The following TNFSF4 variants were observed in gnomAD, a reference collection of about 807,000 sequenced individuals.
TNFSF4 encodes the protein TNF superfamily member 4, also known as tumor necrosis factor ligand superfamily member 4.
A neutral mutation model predicts 7.3 loss-of-function variants in TNFSF4; 4 were observed. That is an observed-to-expected ratio of 0.55 (90% confidence interval 0.27 to 1.25). The LOEUF is 1.25. Ranked by LOEUF, TNFSF4 falls within the 50% of genes most tolerant of loss-of-function variation. The probability of loss-of-function intolerance (pLI) is 0.12; values close to 1 mark genes in which losing one functional copy is unlikely to be tolerated. For synonymous variants in TNFSF4, 76 were observed against 83.7 expected (o/e 0.91, Z 0.50); for missense variants, 181 against 208.8 (o/e 0.87, Z 0.82).
chr1:173,406,850 G>A, the TNFSF4 span, among the ~76,000 whole-genome samples: 2 of 152,140 alleles, frequency 1.3e-5, no homozygotes, highest in South Asian at 2.1e-4. Context: ...AATCCTGAGA[G>A]GTAATTACGG....
At position 173,200,883 on chromosome 1, in the gene TNFSF4, G is replaced by T. The variant is rs148236866; in HGVS notation, c.153+6141C>A. ...GAAGAATTAAAGTTCAGATTTGTTT[G>T]TCCATCTTTCTGTCAAGAAGCATGT... On this transcript the variant is annotated intron_variant, in intron 1 of 2. Coordinates refer to ENST00000281834, the MANE Select transcript of TNFSF4 (RefSeq NM_003326.5). Among the ~76,000 whole-genome samples, 582 of 152,270 alleles carry T rather than the reference G, an allele frequency of 3.8e-3. 9 individuals are homozygous for T. Among genetic ancestry groups the T allele is most frequent in the South Asian group, 0.024 (118 of 4,822 alleles).
the TNFSF4 span, among the ~76,000 whole-genome samples, chr1:173,236,050 A>G: frequency 6.6e-6 from 1 of 152,212 alleles, no homozygotes; most frequent in Non-Finnish European, 1.5e-5. Context: ...CTATTGATGC[A>G]TATATTTTTC....
chr1:173,303,509 T>C, the TNFSF4 span, among the ~76,000 whole-genome samples: 8 of 151,826 alleles, frequency 5.3e-5, no homozygotes, highest in African/African-American at 1.9e-4. Flanking sequence ...GAATGGGAGG[T>C]GGAATTTAAA....
the TNFSF4 span, among the ~76,000 whole-genome samples, chr1:173,368,131 T>C: frequency 6.6e-6 from 1 of 152,002 alleles, no homozygotes. Flanking sequence ...GTCACTCTAA[T>C]AGGACAAAAA....
chr1:173,409,868 T>G, the TNFSF4 span, among the ~76,000 whole-genome samples: 1 of 152,210 alleles, frequency 6.6e-6, no homozygotes, highest in Non-Finnish European at 1.5e-5. Flanking sequence ...AGGCTCTGAG[T>G]GCACGGGTGT....
chr1:173,425,804 C>T, the TNFSF4 span, among the ~76,000 whole-genome samples: 2 of 152,358 alleles, frequency 1.3e-5, no homozygotes, highest in East Asian at 3.9e-4. Context: ...AAACCATGGA[C>T]TGTTCCCACA....
the TNFSF4 span, among the ~76,000 whole-genome samples, chr1:173,239,584 C>T: frequency 2.2e-4 from 33 of 152,198 alleles, no homozygotes; most frequent in African/African-American, 8.0e-4. Flanking sequence ...CCTCATCTAA[C>T]AGAAGAGATG....
chr1:173,259,702 A>C, the TNFSF4 span, among the ~76,000 whole-genome samples: 1 of 152,220 alleles, frequency 6.6e-6, no homozygotes, highest in African/African-American at 2.4e-5. Context: ...AGACAACCAC[A>C]AGTATCAATA....
the TNFSF4 span, among the ~76,000 whole-genome samples, chr1:173,217,667 A>C: frequency 6.6e-6 from 1 of 152,164 alleles, no homozygotes; most frequent in Non-Finnish European, 1.5e-5. Flanking sequence ...CACATATCTA[A>C]ATGATAATAT....
At chr1:173,388,481 G>A in the TNFSF4 span, among the ~76,000 whole-genome samples, 19 of 152,198 alleles carry the variant, frequency 1.2e-4, no homozygotes, top group Non-Finnish European at 2.6e-4. Flanking sequence ...GGGTCCACAA[G>A]GTGAAAGTAT....
chr1:173,409,778 G>A, the TNFSF4 span, among the ~76,000 whole-genome samples: 3 of 152,238 alleles, frequency 2.0e-5, no homozygotes, highest in African/African-American at 7.2e-5. Flanking sequence ...CAGTGGTTAC[G>A]CTGGCAGGAG....
chr1:173,412,942 C>T, the TNFSF4 span, among the ~76,000 whole-genome samples: 5 of 152,128 alleles, frequency 3.3e-5, no homozygotes, highest in Non-Finnish European at 7.3e-5. Context: ...GGAATCGAGG[C>T]TGTTTAGGTC....
At chr1:173,440,932 C>A in the TNFSF4 span, among the ~76,000 whole-genome samples, 2 of 152,038 alleles carry the variant, frequency 1.3e-5, no homozygotes, top group African/African-American at 4.8e-5. Flanking sequence ...ATCTTTAGTT[C>A]TAAGTAATTT....
At chr1:173,388,488 G>A in the TNFSF4 span, among the ~76,000 whole-genome samples, 1 of 152,206 alleles carries the variant, frequency 6.6e-6, no homozygotes, top group African/African-American at 2.4e-5. Context: ...CAAGGTGAAA[G>A]TATGTCCATA....
the TNFSF4 span, among the ~76,000 whole-genome samples, chr1:173,391,332 CA>C: frequency 3.5e-5 from 5 of 144,332 alleles, no homozygotes; most frequent in East Asian, 2.0e-4. Flanking sequence ...CTCTCTCTCT[CA>C]TGCACACTAG....
chr1:173,419,084 A>C, the TNFSF4 span, among the ~76,000 whole-genome samples: 1 of 152,208 alleles, frequency 6.6e-6, no homozygotes, highest in East Asian at 1.9e-4. Context: ...TCACGCCTGT[A>C]ATCCCAGCAC....
At chr1:173,173,461 G>T in the TNFSF4 span, among the ~76,000 whole-genome samples, 1 of 152,184 alleles carries the variant, frequency 6.6e-6, no homozygotes, top group African/African-American at 2.4e-5. Flanking sequence ...AAACAAAGGG[G>T]CTACAGTCTC....
the TNFSF4 span, among the ~76,000 whole-genome samples, chr1:173,378,102 G>A: frequency 6.6e-6 from 1 of 152,198 alleles, no homozygotes; most frequent in Non-Finnish European, 1.5e-5. Context: ...ATCAGTAAGG[G>A]CGACTAAATC....
chr1:173,320,709 G>T, the TNFSF4 span, among the ~76,000 whole-genome samples: 1 of 152,152 alleles, frequency 6.6e-6, no homozygotes, highest in Non-Finnish European at 1.5e-5. Context: ...GCCAGATCAT[G>T]AGTGAACTCC....
Sources: allele counts gnomAD v4.1 joint callset (sites outside exome capture counted in the v4.1 genomes callset), GRCh38; gene constraint gnomAD v4.1.1; transcripts MANE v1.5; gene names NCBI Gene and HGNC (gene_info 2026-07-23, HGNC 2026-07-21).